The following EIF2AK3 variants were observed in gnomAD, a reference collection of about 807,000 sequenced individuals.
EIF2AK3 encodes the protein eukaryotic translation initiation factor 2-alpha kinase 3.
A neutral mutation model predicts 113.5 loss-of-function variants in EIF2AK3; 50 were observed. The ratio of observed to expected loss-of-function variants is 0.44; its 90% CI spans 0.35 to 0.56. EIF2AK3 has a LOEUF of 0.56. Among genes scored for constraint, EIF2AK3 ranks in the 20% least tolerant of loss-of-function variants. The pLI, the probability that EIF2AK3 is intolerant of heterozygous loss-of-function variation, is 0.00. For missense variants in EIF2AK3, 1,185 were observed against 1,378.0 expected (o/e 0.86, Z 2.22); for synonymous variants, 448 against 495.4 (o/e 0.90, Z 1.27).
intron 2 of EIF2AK3, among the ~76,000 whole-genome samples, chr2:88,609,403 G>C (rs1220993316): frequency 6.6e-6 from 1 of 152,074 alleles, no homozygotes; most frequent in Non-Finnish European, 1.5e-5. Flanking sequence ...GCACAATTCA[G>C]GAACCAAACT....
At chr2:88,625,371 C>T (rs1675835766) in intron 1 of EIF2AK3, among the ~76,000 whole-genome samples, 1 of 152,026 alleles carries the variant, frequency 6.6e-6, no homozygotes, top group East Asian at 1.9e-4. Flanking sequence ...AATCTCCGGC[C>T]TCTGTGCCTC....
chr2:88,607,462 A>G (rs2104460869), intron 2 of EIF2AK3, among the ~76,000 whole-genome samples: 1 of 152,318 alleles, frequency 6.6e-6, no homozygotes, highest in South Asian at 2.1e-4. Context: ...AGACACACAA[A>G]CATGCACCTT....
At chr2:88,614,800 T>G (rs1675532505) in intron 1 of EIF2AK3, among the ~76,000 whole-genome samples, 1 of 152,212 alleles carries the variant, frequency 6.6e-6, no homozygotes, top group South Asian at 2.1e-4. Context: ...CTCTCACATG[T>G]CACACTCTGG....
intron 4 of EIF2AK3, among the ~76,000 whole-genome samples, chr2:88,592,771 A>G (rs1674919705): frequency 2.0e-5 from 3 of 152,102 alleles, no homozygotes; most frequent in Non-Finnish European, 4.4e-5. Context: ...CTCAAAAAAA[A>G]AAAAAAAAAA....
chr2:88,574,859 A>C lies in EIF2AK3; in HGVS notation c.2624T>G (p.Leu875Arg), dbSNP rs1378539318. ...LDLTKNTTEK[L>R]QPSSPKVYLY... ...ATACACCTTTGGTGAACTGGGCTGG[A>C]GTTTTTCTGTGGTGTTTTTAGTGAG... The change falls in exon 13 of 17, where the codon CTC becomes CGC. Residue 875 changes from leucine to arginine, a missense_variant. By Grantham distance (102) the Leu-to-Arg change is moderately radical. Around this residue, in one of 3 missense-constraint regions of EIF2AK3, gnomAD observed 877 missense variants for 1,024.2 expected, o/e 0.86. Transcript: ENST00000303236. The C allele has an allele frequency of 1.2e-6, 2 of 1,614,060 alleles. No homozygotes were observed. The highest frequency in any genetic ancestry group is 1.1e-5 in the South Asian group (1 of 91,080).
At chr2:88,594,845 A>C (rs1437378701) in intron 3 of EIF2AK3, among the ~76,000 whole-genome samples, 2 of 151,076 alleles carry the variant, frequency 1.3e-5, no homozygotes, top group African/African-American at 2.4e-5. Flanking sequence ...AAAAAAAAAA[A>C]AAAACGAAAG....
intron 6 of EIF2AK3, among the ~76,000 whole-genome samples, chr2:88,589,658 AATAC>A (rs1159224423): frequency 2.0e-5 from 3 of 149,552 alleles, no homozygotes; most frequent in African/African-American, 4.9e-5. Context: ...TTATATATGT[AATAC>A]ATATATGTAA....
chr2:88,562,260 CT>C (rs201080614), intron 15 of EIF2AK3, 28 bp downstream of exon 15: 164 of 1,549,816 alleles, frequency 1.1e-4, no homozygotes, highest in Admixed American at 1.4e-4. Flanking sequence ...CTGTTTGAAA[CT>C]TTTTTTTTGA....
chr2:88,559,379 G>T (rs565503404), intron 15 of EIF2AK3, among the ~76,000 whole-genome samples: 27 of 152,160 alleles, frequency 1.8e-4, no homozygotes, highest in African/African-American at 6.5e-4. Flanking sequence ...ATTTACAGAA[G>T]ATTTAAAATA....
intron 13 of EIF2AK3, among the ~76,000 whole-genome samples, chr2:88,572,937 A>G (rs1441161476): frequency 6.6e-6 from 1 of 152,188 alleles, no homozygotes; most frequent in Non-Finnish European, 1.5e-5. Flanking sequence ...AGAGTGGAGA[A>G]AATAGAAGAC....
chr2:88,610,697 T>C (rs1322172761), intron 2 of EIF2AK3, among the ~76,000 whole-genome samples: 15 of 152,236 alleles, frequency 9.9e-5, no homozygotes, highest in Non-Finnish European at 4.4e-5. Context: ...TTATTATTCA[T>C]AAAAATGTTA....
intron 2 of EIF2AK3, among the ~76,000 whole-genome samples, chr2:88,602,620 T>C (rs373780348): frequency 3.2e-4 from 49 of 152,246 alleles, no homozygotes; most frequent in African/African-American, 1.2e-3. Flanking sequence ...TACAATAACA[T>C]TCTTACAATA....
intron 2 of EIF2AK3, among the ~76,000 whole-genome samples, chr2:88,607,619 C>T (rs1160403803): frequency 6.6e-6 from 1 of 152,172 alleles, no homozygotes; most frequent in South Asian, 2.1e-4. Flanking sequence ...TTTCCCTTAT[C>T]TTCCAGGAGC....
intron 2 of EIF2AK3, 108 bp from the exon 3 acceptor site, chr2:88,595,771 T>C: frequency 9.0e-7 from 1 of 1,117,318 alleles, no homozygotes. Flanking sequence ...ATAATAGTAA[T>C]TAAGAGCTGG....
At chr2:88,559,510 C>CTGTGTGTGTGTGTGTGTGTGTGTGTG (rs141821640) in intron 15 of EIF2AK3, among the ~76,000 whole-genome samples, 1 of 141,330 alleles carries the variant, frequency 7.1e-6, no homozygotes, top group African/African-American at 2.6e-5. Flanking sequence ...ACCAAGATGA[C>CTGTGTGTGTGTGTGTGTGTGTGTGTG]TGTGTGTGTG....
intron 8 of EIF2AK3, among the ~76,000 whole-genome samples, chr2:88,587,069 G>C (rs1366806625): frequency 1.3e-5 from 2 of 151,280 alleles, no homozygotes; most frequent in African/African-American, 4.8e-5. Flanking sequence ...GCTGGGCGTG[G>C]TGGCGTGCAT....
rs1558647914 is a variant in EIF2AK3, at chr2:88,574,943, G to A, written c.2540C>T (p.Ser847Phe). 1 of 1,614,094 alleles carries A rather than the reference G, an allele frequency of 6.2e-7. No individual in the cohort carries two copies. Among genetic ancestry groups the A allele is most frequent in the Non-Finnish European group, 8.5e-7 (1 of 1,180,036 alleles). Residue 847 changes from serine (S) to phenylalanine (F), a missense_variant, in exon 13 of 17, where the codon TCT (serine) becomes TTT (phenylalanine). Ser to Phe is a radical substitution (Grantham distance 155). This residue lies in a region of EIF2AK3 where 877 missense variants were observed against 1,024.2 expected (regional missense o/e 0.86). Transcript: ENST00000303236. ...LTAFKPTSSK[S>F]SSEATLSISP... ...AATAGACAATGTAGCTTCAGAAGAAGATTTGCTACTGGTGGGCTTGAAAGC... is the reference window on the plus strand; with the variant it reads ...AATAGACAATGTAGCTTCAGAAGAAAATTTGCTACTGGTGGGCTTGAAAGC...
chr2:88,586,734 C>T (rs1455194076), intron 8 of EIF2AK3, among the ~76,000 whole-genome samples: 4 of 151,068 alleles, frequency 2.6e-5, no homozygotes, highest in Non-Finnish European at 5.9e-5. Flanking sequence ...TGGGACTACA[C>T]ATGTGTACCA....
At chr2:88,558,813 T>C in intron 16 of EIF2AK3, 104 bp downstream of exon 16, 4 of 928,088 alleles carry the variant, frequency 4.3e-6, no homozygotes, top group East Asian at 5.2e-5. Flanking sequence ...TCTAGACCTT[T>C]GGCTTCCTCA....
Sources: allele counts gnomAD v4.1 joint callset (sites outside exome capture counted in the v4.1 genomes callset), GRCh38; gene constraint gnomAD v4.1.1; regional missense constraint gnomAD v4.1.1; transcripts MANE v1.5; gene names NCBI Gene and HGNC (gene_info 2026-07-23, HGNC 2026-07-21).